AMOTL1: variants seen among roughly 807,000 people sequenced by gnomAD.
The protein encoded by AMOTL1 is angiomotin like 1, also known as angiomotin-like protein 1.
A neutral mutation model predicts 102.9 loss-of-function variants in AMOTL1; 45 were observed. The ratio of observed to expected loss-of-function variants is 0.44; its 90% confidence interval spans 0.34 to 0.56. The LOEUF is 0.56. AMOTL1 is among the 20% of genes least tolerant of loss of function. The probability of loss-of-function intolerance (pLI) is 0.01; values close to 1 mark genes in which losing one functional copy is unlikely to be tolerated. For missense variants in AMOTL1, 1,114 were observed against 1,225.6 expected (o/e 0.91, Z 1.36); for synonymous variants, 481 against 484.7 (o/e 0.99, Z 0.10).
intron 3 of AMOTL1, among the ~76,000 whole-genome samples, chr11:94,753,708 T>C (rs1213727174): frequency 6.6e-6 from 1 of 152,198 alleles, no homozygotes; most frequent in Admixed American, 6.5e-5. Context: ...ACCACCATCT[T>C]CAGTTCCAGA....
chr11:94,854,714 G>C (rs986243248), intron 8 of AMOTL1, among the ~76,000 whole-genome samples: 1 of 152,170 alleles, frequency 6.6e-6, no homozygotes, highest in Non-Finnish European at 1.5e-5. Flanking sequence ...CCAGCCTGAA[G>C]GTTGTCGGTG....
chr11:94,830,016 A>T, intron 4 of AMOTL1, 34 bp from the exon 5 acceptor site: 1 of 1,556,372 alleles, frequency 6.4e-7, no homozygotes, highest in South Asian at 1.2e-5. Context: ...ATGAATGTCA[A>T]AGGTACCACT....
At chr11:94,790,198 C>T (rs1951259836) in intron 1 of AMOTL1, among the ~76,000 whole-genome samples, 1 of 152,230 alleles carries the variant, frequency 6.6e-6, no homozygotes, top group Non-Finnish European at 1.5e-5. Flanking sequence ...TTCTTGCCAT[C>T]AGTCAGCACG....
chr11:94,850,256 G>T lies in AMOTL1; in HGVS notation c.1791G>T (p.Glu597Asp). Residue 597 changes from glutamate (E) to aspartate (D), a missense_variant, in exon 7 of 13, where the codon GAG (glutamate) becomes GAT (aspartate). Physicochemically the swap from Glu to Asp is conservative, Grantham distance 45. Coordinates refer to ENST00000433060, the MANE Select transcript of AMOTL1 (RefSeq NM_130847.3). ...NAQARVIKLE[E>D]ELREKQAYVE... is the part of the protein sequence containing the mutation. ...AGGCCAGGGTCATCAAGCTGGAAGA[G>T]GAGGTGAGACCAGGCTGTGGGGATT... 6.3e-7 allele frequency: 1 copy of T among 1,593,772 alleles called. No individual in the cohort carries two copies. The highest frequency in any genetic ancestry group is 1.3e-5 in the African/African-American group (1 of 74,762).
At chr11:94,846,330 A>T (rs903192247) in intron 6 of AMOTL1, among the ~76,000 whole-genome samples, 2 of 152,216 alleles carry the variant, frequency 1.3e-5, no homozygotes, top group Non-Finnish European at 2.9e-5. Context: ...ATAGCCCTAG[A>T]ATTTATCATG....
At chr11:94,829,221 C>CCTT (rs1463625162) in intron 4 of AMOTL1, among the ~76,000 whole-genome samples, 1 of 135,996 alleles carries the variant, frequency 7.4e-6, no homozygotes, top group African/African-American at 2.7e-5. Context: ...TCCATTAATC[C>CCTT]TTTTTTTTTT....
chr11:94,848,457 C>G (rs1408626845), intron 6 of AMOTL1, among the ~76,000 whole-genome samples: 1 of 152,154 alleles, frequency 6.6e-6, no homozygotes, highest in African/African-American at 2.4e-5. Flanking sequence ...CACCACTTAG[C>G]TTTACAAGTC....
intron 1 of AMOTL1, among the ~76,000 whole-genome samples, chr11:94,707,365 T>C (rs1949948666): frequency 6.6e-6 from 1 of 151,806 alleles, no homozygotes; most frequent in Admixed American, 6.6e-5. Context: ...CTGTCACTGA[T>C]TGAATCATAC....
Position 94,816,549 on chromosome 11 carries a change from A to T in AMOTL1, c.1122-4981A>T, listed in dbSNP as rs375976614. Among the ~76,000 whole-genome samples the T allele has an allele frequency of 9.2e-5, 14 of 152,266 alleles. No homozygotes were observed. The East Asian group carries it at 2.1e-3, about 23-fold the overall frequency. ...GCCTAACAAACACATTTTATATTTT[A>T]TTGAAATAATTCCTTTGCCATTGTT... On this transcript the variant is annotated intron_variant, in intron 3 of 12. Transcript: ENST00000433060.
At chr11:94,740,899 T>G (rs1453970373) in intron 2 of AMOTL1, 2 of 1,287,110 alleles carry the variant, frequency 1.6e-6, no homozygotes, top group Non-Finnish European at 1.0e-6. Context: ...TCCTGAATGG[T>G]AGCGATTCGA....
chr11:94,714,149 A>AT (rs1258455356), intron 1 of AMOTL1, among the ~76,000 whole-genome samples: 8 of 151,986 alleles, frequency 5.3e-5, no homozygotes, highest in African/African-American at 1.7e-4. Flanking sequence ...TGATCATGTG[A>AT]TTTTTTATAT....
rs540802070 is a variant in AMOTL1, at chr11:94,733,039, C to G, written c.85+3984C>G. 3.9e-5 allele frequency among the ~76,000 whole-genome samples: 6 copies of G among 152,330 alleles called. No individual in the cohort carries two copies. In the South Asian group the frequency reaches 1.2e-3, roughly 32 times the overall value. Reference sequence around the variant, plus strand: ...GTACATGATTTCATTGCATTCAAACCCTTATTGAAATCTTGTGAAGTAGTT... The same window carrying G: ...GTACATGATTTCATTGCATTCAAACGCTTATTGAAATCTTGTGAAGTAGTT... On this transcript the variant is annotated intron_variant, in intron 2 of 4. Transcript: ENST00000299004.
chr11:94,855,968 G>A (rs973067360), intron 8 of AMOTL1, among the ~76,000 whole-genome samples: 48 of 152,200 alleles, frequency 3.2e-4, no homozygotes, highest in African/African-American at 1.1e-3. Context: ...CAGACCCCCA[G>A]CTGTGTATGG....
chr11:94,795,786 C>T (rs541603347), intron 2 of AMOTL1, among the ~76,000 whole-genome samples: 3 of 152,306 alleles, frequency 2.0e-5, no homozygotes, highest in Admixed American at 1.3e-4. Context: ...ATACATCATT[C>T]TCCTTTGGAA....
chr11:94,800,882 G>T (rs1263933334), intron 3 of AMOTL1, among the ~76,000 whole-genome samples: 2 of 152,094 alleles, frequency 1.3e-5, no homozygotes, highest in African/African-American at 2.4e-5. Context: ...TCACTCCCTT[G>T]CCCTAATTCT....
intron 6 of AMOTL1, among the ~76,000 whole-genome samples, chr11:94,839,848 A>G (rs1451894326): frequency 1.3e-5 from 2 of 152,236 alleles, no homozygotes; most frequent in Non-Finnish European, 1.5e-5. Flanking sequence ...AAATTTTTAT[A>G]CTAGAAGTCT....
At chr11:94,725,317 G>A (rs1366427943) in intron 1 of AMOTL1, among the ~76,000 whole-genome samples, 3 of 152,116 alleles carry the variant, frequency 2.0e-5, no homozygotes, top group African/African-American at 7.2e-5. Context: ...CAGCTTGGGT[G>A]TGGTTTTGAG....
chr11:94,727,001 G>T (rs760130707), intron 1 of AMOTL1, among the ~76,000 whole-genome samples: 6 of 152,128 alleles, frequency 3.9e-5, no homozygotes, highest in Non-Finnish European at 7.4e-5. Flanking sequence ...ATGTAGTTCA[G>T]ATTAATAAAA....
intron 2 of AMOTL1, chr11:94,740,841 G>C (rs916396970): frequency 9.6e-7 from 1 of 1,039,104 alleles, no homozygotes; most frequent in Non-Finnish European, 1.3e-6. Context: ...AGAGAAGCCC[G>C]CGCTTTTCCC....
Sources: allele counts gnomAD v4.1 joint callset (sites outside exome capture counted in the v4.1 genomes callset), GRCh38; gene constraint gnomAD v4.1.1; transcripts MANE v1.5; gene names NCBI Gene and HGNC (gene_info 2026-07-23, HGNC 2026-07-21).